The following TASP1 variants were observed in gnomAD, a reference collection of about 807,000 sequenced individuals.
TASP1 encodes the protein threonine aspartase 1.
TASP1 carries 16 observed loss-of-function variants against 56.6 expected under a neutral mutation model. That is an observed-to-expected ratio of 0.28 (90% CI 0.19 to 0.43). The LOEUF (loss-of-function observed/expected upper bound fraction) is 0.43, where lower values mean the gene tolerates loss of function less well. Ranked by LOEUF, TASP1 falls within the 20% of genes least tolerant of loss-of-function variation. TASP1 has a pLI of 1.00. For missense variants in TASP1, 393 were observed against 511.6 expected, an observed-to-expected ratio of 0.77 and a Z score of 2.24; for synonymous variants, 179 against 184.2, an observed-to-expected ratio of 0.97 and a Z score of 0.23.
intron 8 of TASP1, among the ~76,000 whole-genome samples, chr20:13,542,489 C>T (rs1014916409): frequency 5.3e-5 from 8 of 152,030 alleles, no homozygotes; most frequent in African/African-American, 1.9e-4. Flanking sequence ...AAGAAATGGA[C>T]GTGAATAGCA....
the TASP1 span, among the ~76,000 whole-genome samples, chr20:13,155,335 G>A: frequency 6.6e-6 from 1 of 152,120 alleles, no homozygotes; most frequent in African/African-American, 2.4e-5. Flanking sequence ...CCCATTGCTG[G>A]AACTTTCTGT....
At chr20:13,107,129 G>A in the TASP1 span, among the ~76,000 whole-genome samples, 1 of 152,168 alleles carries the variant, frequency 6.6e-6, no homozygotes, top group Admixed American at 6.5e-5. Context: ...ATGGGTTCCA[G>A]ACCCCAGGGA....
At chr20:13,165,621 A>T in the TASP1 span, 1 of 152,228 alleles carries the variant, frequency 6.6e-6, no homozygotes, top group East Asian at 1.9e-4. Context: ...TTTTAGGTCT[A>T]GACTAAAATG....
At chr20:13,541,572 C>T (rs1008757229) in intron 8 of TASP1, among the ~76,000 whole-genome samples, 1 of 152,036 alleles carries the variant, frequency 6.6e-6, no homozygotes, top group Non-Finnish European at 1.5e-5. Context: ...TCATCACCTT[C>T]TAAAATGATA....
the TASP1 span, among the ~76,000 whole-genome samples, chr20:13,232,956 G>A: frequency 6.6e-6 from 1 of 152,008 alleles, no homozygotes; most frequent in Non-Finnish European, 1.5e-5. Flanking sequence ...CCAAGTGATG[G>A]TGGTGACAGA....
At chr20:13,314,157 C>T in the TASP1 span, among the ~76,000 whole-genome samples, 1 of 151,980 alleles carries the variant, frequency 6.6e-6, no homozygotes, top group African/African-American at 2.4e-5. Context: ...AAAATTGTAA[C>T]ATACACATAA....
At chr20:13,164,331 C>A in the TASP1 span, 743 of 471,810 alleles carry the variant, frequency 1.6e-3, 5 homozygotes, top group South Asian at 9.7e-3. Flanking sequence ...TCAGCTCCCG[C>A]AACATTCCTC....
the TASP1 span, among the ~76,000 whole-genome samples, chr20:13,277,713 T>C: frequency 1.3e-5 from 2 of 151,566 alleles, no homozygotes; most frequent in Non-Finnish European, 2.9e-5. Context: ...AAAGGGTGCC[T>C]ACAAGACTGG....
At chr20:13,362,091 G>A in the TASP1 span, among the ~76,000 whole-genome samples, 1 of 149,796 alleles carries the variant, frequency 6.7e-6, no homozygotes, top group Non-Finnish European at 1.5e-5. Context: ...TCCCACTCTA[G>A]GTTCCCACGC....
At chr20:13,364,920 AT>A in the TASP1 span, among the ~76,000 whole-genome samples, 22 of 147,926 alleles carry the variant, frequency 1.5e-4, no homozygotes, top group East Asian at 4.0e-4. Context: ...CCATTGAACT[AT>A]TTTTTTTTTT....
chr20:13,168,062 A>AAT, the TASP1 span: 1 of 152,118 alleles, frequency 6.6e-6, no homozygotes, highest in African/African-American at 2.4e-5. Flanking sequence ...AAATTGATCC[A>AAT]ATATTGAAGA....
chr20:13,608,795 G>C lies in TASP1; in HGVS notation c.282+14651C>G, dbSNP rs147570070. Reference sequence around the variant, plus strand: ...TGATCTAAACCACGGGGATATAGCAGTGAACGAAACAGAAAAACATTCTTA... The same window carrying C: ...TGATCTAAACCACGGGGATATAGCACTGAACGAAACAGAAAAACATTCTTA... On this transcript the variant is annotated intron_variant, in intron 4 of 13. Coordinates refer to ENST00000337743, the MANE Select transcript of TASP1 (RefSeq NM_017714.3). 3.6e-3 allele frequency among the ~76,000 whole-genome samples: 541 copies of C among 152,366 alleles called. 3 individuals carry two copies. Among genetic ancestry groups the C allele is most frequent in the African/African-American group, 0.012 (510 of 41,592 alleles).
intron 11 of TASP1, among the ~76,000 whole-genome samples, chr20:13,477,483 C>G (rs1339533807): frequency 6.6e-6 from 1 of 151,842 alleles, no homozygotes; most frequent in Non-Finnish European, 1.5e-5. Flanking sequence ...AAAAATGTAC[C>G]ATGATATTAG....
At chr20:13,269,703 C>T in the TASP1 span, among the ~76,000 whole-genome samples, 1 of 152,164 alleles carries the variant, frequency 6.6e-6, no homozygotes, top group Admixed American at 6.5e-5. Context: ...TCCCTGACCA[C>T]CTATCTAAGG....
rs1321626471 is a variant in TASP1 at position 13,595,805 on chromosome 20, TAGAC to T, written c.283-8439_283-8436del. ...GACTTTAACATCCCACTGTCAATAT[TAGAC>T]AGATCAACAAGACAGAAGGTTAACA... On this transcript the variant is annotated intron_variant, in intron 4 of 13. Coordinates refer to ENST00000337743, the MANE Select transcript of TASP1 (RefSeq NM_017714.3). 9.2e-5 allele frequency among the ~76,000 whole-genome samples: 14 copies of T among 152,214 alleles called. No individual in the cohort carries two copies. In the South Asian group the frequency reaches 2.7e-3, roughly 29 times the overall value.
chr20:13,544,871 C>A (rs1446243651), intron 8 of TASP1, among the ~76,000 whole-genome samples: 7 of 152,150 alleles, frequency 4.6e-5, no homozygotes, highest in Admixed American at 2.0e-4. Context: ...AGATAAAGGA[C>A]TGGAAGGTAA....
chr20:13,566,985 A>G (rs2046552247), intron 7 of TASP1, among the ~76,000 whole-genome samples: 1 of 152,238 alleles, frequency 6.6e-6, no homozygotes, highest in Non-Finnish European at 1.5e-5. Context: ...GCATCTGTTC[A>G]CTGCAGCACT....
intron 10 of TASP1, among the ~76,000 whole-genome samples, chr20:13,502,290 G>T (rs1033586541): frequency 1.3e-5 from 2 of 151,866 alleles, no homozygotes; most frequent in African/African-American, 2.4e-5. Flanking sequence ...TAAGCAAAAG[G>T]TCGTCTTTTT....
intron 10 of TASP1, among the ~76,000 whole-genome samples, chr20:13,501,877 T>C (rs1219091932): frequency 1.3e-5 from 2 of 151,948 alleles, no homozygotes; most frequent in African/African-American, 2.4e-5. Flanking sequence ...GCTCTGACTA[T>C]ATTAATATTA....
Sources: gnomAD v4.1 joint callset for allele counts (sites outside exome capture counted in the v4.1 genomes callset) on GRCh38, gnomAD v4.1.1 for gene constraint, MANE v1.5 for transcripts, NCBI Gene and HGNC (gene_info 2026-07-23, HGNC 2026-07-21) for gene names.